Variants in TDG observed in about 807,000 individuals in gnomAD.
TDG encodes the protein thymine DNA glycosylase.
TDG carries 23 observed loss-of-function variants against 46.1 expected under a neutral mutation model. The observed-to-expected ratio is 0.50, with a 90% CI of 0.36 to 0.71. TDG has a LOEUF of 0.71. TDG is among the 30% of genes least tolerant of loss of function. The pLI, the probability that TDG is intolerant of heterozygous loss-of-function variation, is 0.00. For missense variants in TDG, 304 were observed against 486.7 expected (o/e 0.62, Z 3.53); for synonymous variants, 115 against 161.3 (o/e 0.71, Z 2.18).
chr12:103,967,264 C>T (rs1049382192), intron 1 of TDG, among the ~76,000 whole-genome samples: 30 of 152,140 alleles, frequency 2.0e-4, no homozygotes, highest in Non-Finnish European at 3.4e-4. Context: ...GTCGGCCTGA[C>T]TTCATCCAAA....
At chr12:103,968,248 T>G (rs911082649) in intron 1 of TDG, among the ~76,000 whole-genome samples, 2 of 152,002 alleles carry the variant, frequency 1.3e-5, no homozygotes, top group African/African-American at 4.8e-5. Context: ...ACCTCAGGCG[T>G]GAAAAAGACA....
In TDG at chr12:103,983,390, G is replaced by GT; in HGVS notation, c.792+2dup. 7.4e-7 allele frequency: 1 copy of GT among 1,348,732 alleles called. No individual in the cohort carries two copies. Among genetic ancestry groups the GT allele is most frequent in the Non-Finnish European group, 1.0e-6 (1 of 989,072 alleles). The allele number at this position is 1,348,732 out of a possible 1,614,324, so 83.5% of individuals were successfully genotyped here. A position where few individuals can be genotyped will look rare whatever the true frequency, so the allele number is the denominator to read the frequency against. On this transcript the variant is annotated splice_donor_variant, in intron 7 of 9. Transcript: ENST00000392872. LOFTEE classifies it high-confidence loss of function. Reference sequence around the variant, plus strand: ...CCATAAGATTCCAGACACAGAAACTGTAAGTCCCTAAAATTGAATTTGTAA... The same window carrying GT: ...CCATAAGATTCCAGACACAGAAACTGTTAAGTCCCTAAAATTGAATTTGTAA...
intron 7 of TDG, 93 bp downstream of exon 7, chr12:103,983,482 A>G (rs934808896): frequency 8.3e-6 from 7 of 839,736 alleles, no homozygotes; most frequent in South Asian, 2.1e-5. Context: ...GATTTATACC[A>G]TGCAAAACAA....
intron 1 of TDG, among the ~76,000 whole-genome samples, chr12:103,971,648 A>G (rs1054280520): frequency 1.3e-5 from 2 of 152,202 alleles, no homozygotes; most frequent in Non-Finnish European, 2.9e-5. Flanking sequence ...GCAGAGAAAA[A>G]GGGGTAAACA....
At chr12:103,975,916 C>A (rs978972304) in intron 1 of TDG, among the ~76,000 whole-genome samples, 3 of 151,730 alleles carry the variant, frequency 2.0e-5, no homozygotes, top group Non-Finnish European at 4.4e-5. Flanking sequence ...CCCTCCTCGG[C>A]CTCCCAAAGT....
intron 1 of TDG, among the ~76,000 whole-genome samples, chr12:103,976,604 C>G (rs1871556266): frequency 6.6e-6 from 1 of 152,162 alleles, no homozygotes; most frequent in African/African-American, 2.4e-5. Flanking sequence ...TCAAGTCTGT[C>G]TACTAGAAAA....
Position 103,975,501 on chromosome 12 carries a change from T to A in TDG, c.24-1417T>A, listed in dbSNP as rs75617825. On this transcript the variant is annotated intron_variant, in intron 1 of 9. Transcript: ENST00000392872. ...ATCTGATGAGGGGCTTCTTGCTGCG[T>A]CATAAAATGGCAGAAGGAATCACAC... Among the ~76,000 whole-genome samples, 1,112 of 152,260 alleles carry A rather than the reference T, an allele frequency of 7.3e-3. 17 individuals carry two copies. The highest frequency in any genetic ancestry group is 0.024 in the African/African-American group (1,009 of 41,536).
chr12:103,969,815 G>A (rs543430801), intron 1 of TDG, among the ~76,000 whole-genome samples: 7 of 152,290 alleles, frequency 4.6e-5, no homozygotes, highest in Admixed American at 3.3e-4. Context: ...GAGCAAGTTG[G>A]TAGCCCTGCT....
chr12:103,978,416 C>T (rs1871643885), intron 2 of TDG, among the ~76,000 whole-genome samples: 1 of 152,112 alleles, frequency 6.6e-6, no homozygotes, highest in Non-Finnish European at 1.5e-5. Flanking sequence ...ATGATTTTCT[C>T]CAGTGTAACA....
chr12:103,970,108 G>A (rs1871228287), intron 1 of TDG, among the ~76,000 whole-genome samples: 1 of 152,054 alleles, frequency 6.6e-6, no homozygotes, highest in African/African-American at 2.4e-5. Context: ...GGATTATTTA[G>A]CCTTGTTCAT....
At position 103,984,858 on chromosome 12, in the gene TDG, G is replaced by A; in HGVS notation, c.902G>A (p.Gly301Asp). The part of the protein sequence containing the change: ...KLKDLRDQLK[G>D]IERNMDVQEV... ...AAGGACTTAAGAGATCAGTTGAAAG[G>A]CATTGAACGAAATATGGACGTTCAA... The change falls in exon 8 of 10, where the codon GGC (glycine) becomes GAC (aspartate). Residue 301 changes from glycine to aspartate, a missense_variant. Coordinates refer to ENST00000392872, the MANE Select transcript of TDG (RefSeq NM_003211.6). 1 of 1,613,570 alleles carries A rather than the reference G, an allele frequency of 6.2e-7. No homozygotes were observed.
In TDG at chr12:103,983,015, T is replaced by C. The variant is rs4135114; in HGVS notation, c.614+81T>C. On this transcript the variant is annotated intron_variant, in intron 5 of 9. Transcript: ENST00000392872. ...AAATATTCTAGGAACATCATATGTA[T>C]CTAGTTCAAGCTGAGCTCAACAAAT... The C allele has an allele frequency of 5.7e-6, 9 of 1,587,082 alleles. No homozygotes were observed. In the East Asian group the frequency reaches 1.8e-4, roughly 32 times the overall value.
intron 7 of TDG, 61 bp downstream of exon 7, chr12:103,983,450 C>G: frequency 8.2e-7 from 1 of 1,223,222 alleles, no homozygotes; most frequent in Non-Finnish European, 1.1e-6. Context: ...TAGATAATTT[C>G]CTTATTTGTC....
intron 1 of TDG, 51 bp downstream of exon 1, chr12:103,966,111 A>T (rs576634110): frequency 3.4e-6 from 5 of 1,486,560 alleles, no homozygotes; most frequent in Non-Finnish European, 4.5e-6. Flanking sequence ...ACTGCTGGGC[A>T]GGCTGGCTGG....
At chr12:103,969,580 A>G (rs1180173691) in intron 1 of TDG, among the ~76,000 whole-genome samples, 1 of 152,246 alleles carries the variant, frequency 6.6e-6, no homozygotes, top group Admixed American at 6.5e-5. Flanking sequence ...GATTGATTTA[A>G]TCAGAGTCCA....
At chr12:103,985,379 G>A in intron 8 of TDG, among the ~76,000 whole-genome samples, 1 of 152,072 alleles carries the variant, frequency 6.6e-6, no homozygotes, top group East Asian at 1.9e-4. Context: ...TGCCAGAGCA[G>A]AGGGATGTAA....
intron 1 of TDG, among the ~76,000 whole-genome samples, chr12:103,972,632 C>G (rs757109597): frequency 6.6e-6 from 1 of 152,130 alleles, no homozygotes; most frequent in Non-Finnish European, 1.5e-5. Flanking sequence ...GTTTATTTTC[C>G]TTTACCTGTT....
rs1176390018 is a variant in TDG at position 103,988,611 on chromosome 12, T to C, written c.*1521T>C. ...AGGTATTGCTTTGGTATATAACTAT[T>C]GTAGCTTTACAAGAGATTGTTTTAT... On this transcript the variant is annotated 3_prime_UTR_variant, in exon 10 of 10. Transcript: ENST00000392872. 2.0e-5 allele frequency: 3 copies of C among 152,744 alleles called. No individual in the cohort carries two copies. Among genetic ancestry groups the C allele is most frequent in the Admixed American group, 6.5e-5 (1 of 15,292 alleles). The allele number at this position is 152,744 out of a possible 1,614,324, so 9.5% of individuals were successfully genotyped here. A position where few individuals can be genotyped will look rare whatever the true frequency, so the allele number is the denominator to read the frequency against.
In TDG at chr12:103,983,057, C is replaced by A. The variant is rs369353447; in HGVS notation, c.615-79C>A. 4 of 1,550,310 alleles carry A rather than the reference C, an allele frequency of 2.6e-6. No individual in the cohort carries two copies. The African/African-American group carries it at 5.5e-5, about 21-fold the overall frequency. On this transcript the variant is annotated intron_variant, in intron 5 of 9. Coordinates refer to ENST00000392872, the MANE Select transcript of TDG (RefSeq NM_003211.6). The stretch of plus-strand genomic sequence containing the variant: ...TCAACAAATGTACAATATGCTCTTT[C>A]ATTGAAAGCTGTCTGAATTTAGCAT...
Sources: allele counts gnomAD v4.1 joint callset (sites outside exome capture counted in the v4.1 genomes callset), GRCh38; gene constraint gnomAD v4.1.1; transcripts MANE v1.5; gene names NCBI Gene and HGNC (gene_info 2026-07-23, HGNC 2026-07-21).